KDM4B: variants seen among roughly 807,000 people sequenced by gnomAD.
KDM4B encodes the protein lysine demethylase 4B.
A neutral mutation model predicts 125.2 loss-of-function variants in KDM4B; 32 were observed. The observed-to-expected ratio is 0.26, with a 90% CI of 0.19 to 0.34. The LOEUF is 0.34. KDM4B is among the 10% of genes least tolerant of loss of function. KDM4B has a pLI of 1.00. For missense variants in KDM4B, 1,190 were observed against 1,577.7 expected (o/e 0.75, Z 4.16); for synonymous variants, 721 against 677.9 (o/e 1.06, Z -0.99).
In KDM4B at chr19:5,040,022, C is replaced by G; in HGVS notation, c.317+11C>G. On this transcript the variant is annotated intron_variant, in intron 4 of 22. Transcript: ENST00000159111. ...GGCCAACAGCGAGAAGTACGCGGGG[C>G]GGGCAGGGCGGACCTGACCCCCGCC... The G allele has an allele frequency of 6.2e-7, 1 of 1,604,172 alleles. No homozygotes were observed. The highest frequency in any genetic ancestry group is 8.5e-7 in the Non-Finnish European group (1 of 1,173,996).
chr19:5,021,842 G>C (rs1013120920), intron 2 of KDM4B, among the ~76,000 whole-genome samples: 1 of 152,048 alleles, frequency 6.6e-6, no homozygotes, highest in Admixed American at 6.6e-5. Context: ...CACGGTGTTG[G>C]CCAGGATGGT....
At chr19:5,050,793 G>T (rs955020833) in intron 6 of KDM4B, among the ~76,000 whole-genome samples, 1 of 152,188 alleles carries the variant, frequency 6.6e-6, no homozygotes, top group Non-Finnish European at 1.5e-5. Context: ...CCAGCTACTC[G>T]GGAGGCTGAG....
At chr19:5,012,184 A>T (rs1278079244) in intron 1 of KDM4B, among the ~76,000 whole-genome samples, 1 of 151,476 alleles carries the variant, frequency 6.6e-6, no homozygotes, top group Non-Finnish European at 1.5e-5. Flanking sequence ...GGTGCAGTCA[A>T]ACCTAAGCCA....
intron 1 of KDM4B, among the ~76,000 whole-genome samples, chr19:5,008,652 A>C (rs1438448292): frequency 6.9e-6 from 1 of 144,380 alleles, no homozygotes; most frequent in Non-Finnish European, 1.5e-5. Flanking sequence ...GTGCAGTGCC[A>C]CAATCTCAAT....
At chr19:4,978,369 C>T (rs892788115) in intron 1 of KDM4B, among the ~76,000 whole-genome samples, 2 of 151,524 alleles carry the variant, frequency 1.3e-5, no homozygotes, top group South Asian at 2.1e-4. Context: ...TAGCCGGGCG[C>T]GGTGGCACGT....
intron 6 of KDM4B, among the ~76,000 whole-genome samples, chr19:5,065,120 A>G (rs1156921293): frequency 6.6e-6 from 1 of 152,220 alleles, no homozygotes; most frequent in Non-Finnish European, 1.5e-5. Flanking sequence ...AGGCAGCCCC[A>G]CTGCGCAGCG....
chr19:5,051,765 C>A (rs373024386), intron 6 of KDM4B, among the ~76,000 whole-genome samples: 8 of 152,250 alleles, frequency 5.3e-5, no homozygotes, highest in East Asian at 3.8e-4. Flanking sequence ...GGCGAAGGAG[C>A]GCTTGCCCGG....
chr19:4,995,723 C>G (rs1192478652), intron 1 of KDM4B, among the ~76,000 whole-genome samples: 1 of 152,220 alleles, frequency 6.6e-6, no homozygotes, highest in East Asian at 1.9e-4. Flanking sequence ...CTGGAGGGAC[C>G]TTGGGTCCCA....
At chr19:5,125,058 C>A (rs1023611191) in intron 11 of KDM4B, among the ~76,000 whole-genome samples, 4 of 151,974 alleles carry the variant, frequency 2.6e-5, no homozygotes, top group African/African-American at 9.7e-5. Flanking sequence ...CACCGCAACT[C>A]CGCTCATTTT....
At chr19:5,116,554 G>A (rs2039259873) in intron 10 of KDM4B, among the ~76,000 whole-genome samples, 1 of 152,214 alleles carries the variant, frequency 6.6e-6, no homozygotes, top group Non-Finnish European at 1.5e-5. Context: ...ACCCAGGAGA[G>A]TCAAGGGGAG....
At chr19:5,044,584 TGTCACCTAGGCTGCA>T (rs1482052773) in intron 5 of KDM4B, among the ~76,000 whole-genome samples, 4 of 152,236 alleles carry the variant, frequency 2.6e-5, no homozygotes, top group African/African-American at 9.6e-5. Context: ...AGTCTTGCTC[TGTCACCTAGGCTGCA>T]GTGCAGTGGC....
At chr19:5,120,037 T>C (rs970566478) in intron 11 of KDM4B, among the ~76,000 whole-genome samples, 185 bp downstream of exon 11, 2 of 152,232 alleles carry the variant, frequency 1.3e-5, no homozygotes, top group Non-Finnish European at 2.9e-5. Context: ...GTAAGAAAAG[T>C]GCCTCCGTCC....
intron 9 of KDM4B, among the ~76,000 whole-genome samples, chr19:5,103,213 G>A (rs970164059): frequency 6.6e-6 from 1 of 152,154 alleles, no homozygotes; most frequent in Non-Finnish European, 1.5e-5. Flanking sequence ...CCCTTCCCCC[G>A]CTCTCTGCAG....
chr19:5,112,294 T>C (rs1018601514), intron 10 of KDM4B: 9 of 161,312 alleles, frequency 5.6e-5, no homozygotes, highest in Admixed American at 3.0e-4. Context: ...ATGTAAACAC[T>C]GTTCCTAGCT....
chr19:5,089,347 C>G (rs2038613795), intron 9 of KDM4B, among the ~76,000 whole-genome samples: 1 of 152,218 alleles, frequency 6.6e-6, no homozygotes. Flanking sequence ...GGAACACGTG[C>G]ATACCGGTTC....
In KDM4B at chr19:5,082,465, C is replaced by T; in HGVS notation, c.879C>T (p.Ala293=). The T allele has an allele frequency of 6.2e-7, 1 of 1,612,400 alleles. No homozygotes were observed. The highest frequency in any genetic ancestry group is 8.5e-7 in the Non-Finnish European group (1 of 1,179,270). ...GFNCAESTNF[A]TLRWIDYGKV... ...ACTGCGCAGAATCTACCAACTTCGC[C>T]ACCCTGCGGTGGATTGACTACGGCA... The change falls in exon 9 of 23, where the codon GCC becomes GCT. Residue 293 remains alanine, a synonymous_variant. Coordinates refer to ENST00000159111, the MANE Select transcript of KDM4B (RefSeq NM_015015.3). The surrounding 1 kb of genome is among the most constrained non-coding windows in gnomAD (Gnocchi z 5.4).
At chr19:5,038,815 C>T (rs1213422796) in intron 3 of KDM4B, among the ~76,000 whole-genome samples, 1 of 152,274 alleles carries the variant, frequency 6.6e-6, no homozygotes, top group Non-Finnish European at 1.5e-5. Flanking sequence ...CAGCTCCGCA[C>T]AGCTCCTGTC....
chr19:5,031,150 G>A (rs1399868046), intron 2 of KDM4B, among the ~76,000 whole-genome samples: 3 of 152,360 alleles, frequency 2.0e-5, no homozygotes, highest in Admixed American at 2.0e-4. Flanking sequence ...GGTGAGAGCG[G>A]GAGGGCAGGT....
At chr19:5,014,564 C>T (rs536410572) in intron 1 of KDM4B, among the ~76,000 whole-genome samples, 54 of 152,180 alleles carry the variant, frequency 3.5e-4, no homozygotes, top group African/African-American at 1.2e-3. Flanking sequence ...CGTGAGCCAC[C>T]GCGCCTGGCC....
Sources: allele counts gnomAD v4.1 joint callset (sites outside exome capture counted in the v4.1 genomes callset), GRCh38; gene constraint gnomAD v4.1.1; non-coding constraint Gnocchi (gnomAD v3.1); transcripts MANE v1.5; gene names NCBI Gene and HGNC (gene_info 2026-07-23, HGNC 2026-07-21).